Variants in L3MBTL4 observed in about 807,000 individuals in gnomAD.
The protein encoded by L3MBTL4 is L3MBTL histone methyl-lysine binding protein 4.
Under a neutral mutation model 84.5 loss-of-function variants are expected in L3MBTL4, and 70 were observed. The observed-to-expected ratio is 0.83, with a 90% CI of 0.68 to 1.01. The LOEUF is 1.01. L3MBTL4 is among the 50% of genes least tolerant of loss of function. The pLI, the probability that L3MBTL4 is intolerant of heterozygous loss-of-function variation, is 0.00. For synonymous variants in L3MBTL4, 274 were observed against 259.8 expected, an observed-to-expected ratio of 1.05 and a Z score of -0.52; for missense variants, 715 against 754.8, an observed-to-expected ratio of 0.95 and a Z score of 0.62.
chr18:6,174,415 A>C, intron 12 of L3MBTL4, among the ~76,000 whole-genome samples: 1 of 152,222 alleles, frequency 6.6e-6, no homozygotes, highest in East Asian at 1.9e-4. Flanking sequence ...ACTATAAAAG[A>C]GAAGCACATA....
chr18:6,280,274 T>C (rs2049268004), intron 4 of L3MBTL4, among the ~76,000 whole-genome samples: 1 of 152,290 alleles, frequency 6.6e-6, no homozygotes, highest in South Asian at 2.1e-4. Flanking sequence ...TAAAATGAAA[T>C]CCCTGGAAAG....
At chr18:6,347,106 G>T (rs559552496) in intron 1 of L3MBTL4, among the ~76,000 whole-genome samples, 10 of 152,194 alleles carry the variant, frequency 6.6e-5, no homozygotes, top group Admixed American at 1.3e-4. Context: ...CTCTTTATAT[G>T]TGAGATCCAA....
intron 1 of L3MBTL4, among the ~76,000 whole-genome samples, chr18:6,363,128 G>A (rs2053782580): frequency 6.6e-6 from 1 of 152,146 alleles, no homozygotes; most frequent in Non-Finnish European, 1.5e-5. Flanking sequence ...TATTCCTAGT[G>A]GGAAAAAGAA....
At chr18:6,032,357 A>T in intron 16 of L3MBTL4, 1 of 945,714 alleles carries the variant, frequency 1.1e-6, no homozygotes. Context: ...ATATCACTGA[A>T]TGGAATCTGC....
At chr18:6,241,600 A>G in intron 7 of L3MBTL4, 151 bp from the exon 8 acceptor site, 1 of 514,554 alleles carries the variant, frequency 1.9e-6, no homozygotes, top group Non-Finnish European at 3.5e-6. Context: ...TCATATGGTT[A>G]TTATTAGTGT....
At chr18:5,977,391 C>A (rs1003321925) in intron 16 of L3MBTL4, among the ~76,000 whole-genome samples, 9 of 152,216 alleles carry the variant, frequency 5.9e-5, no homozygotes, top group Non-Finnish European at 1.0e-4. Flanking sequence ...TGAGTCAGCT[C>A]CCTCCCTCCC....
chr18:6,344,581 T>C (rs2052778519), intron 1 of L3MBTL4, among the ~76,000 whole-genome samples: 1 of 152,100 alleles, frequency 6.6e-6, no homozygotes, highest in Admixed American at 6.5e-5. Context: ...ACAAGGTCAT[T>C]CCAATATACT....
At chr18:6,244,619 C>A (rs1285326500) in intron 5 of L3MBTL4, 31 bp from the exon 6 acceptor site, 1 of 1,423,044 alleles carries the variant, frequency 7.0e-7, no homozygotes, top group Non-Finnish European at 9.9e-7. Flanking sequence ...ACATTAGCCA[C>A]TGAGATTTCA....
chr18:6,194,801 C>T (rs1301175750), intron 12 of L3MBTL4, among the ~76,000 whole-genome samples: 1 of 152,216 alleles, frequency 6.6e-6, no homozygotes, highest in Non-Finnish European at 1.5e-5. Context: ...GAATTGCCAT[C>T]CAGCATTGAG....
At chr18:6,229,653 T>A (rs905880423) in intron 10 of L3MBTL4, among the ~76,000 whole-genome samples, 2 of 152,164 alleles carry the variant, frequency 1.3e-5, no homozygotes, top group African/African-American at 4.8e-5. Flanking sequence ...TCATTTTGAG[T>A]CAGTTTTTGT....
At chr18:6,112,583 C>A (rs1252527483) in intron 14 of L3MBTL4, among the ~76,000 whole-genome samples, 1 of 152,150 alleles carries the variant, frequency 6.6e-6, no homozygotes, top group Non-Finnish European at 1.5e-5. Context: ...TGGATAAGCG[C>A]AGGATGTCCC....
At chr18:6,321,372 C>A (rs941635216) in intron 1 of L3MBTL4, among the ~76,000 whole-genome samples, 1 of 152,018 alleles carries the variant, frequency 6.6e-6, no homozygotes, top group Non-Finnish European at 1.5e-5. Context: ...GGAACACAAA[C>A]AAGTCAGCAA....
chr18:6,026,737 G>C lies in L3MBTL4; in HGVS notation c.1444+54144C>G, dbSNP rs535677253. On this transcript the variant is annotated intron_variant, in intron 16 of 18. Transcript: ENST00000317931. ...TGAGAGTATGATTACAAACATAAGG[G>C]GTTGAATATTGAATATTAATTAACA... Among the ~76,000 whole-genome samples the C allele has an allele frequency of 2.5e-4, 38 of 152,114 alleles. 2 individuals are homozygous for C. The South Asian group carries it at 7.7e-3, about 31-fold the overall frequency.
At chr18:6,143,255 G>A (rs955892792) in intron 13 of L3MBTL4, among the ~76,000 whole-genome samples, 3 of 152,136 alleles carry the variant, frequency 2.0e-5, no homozygotes, top group Non-Finnish European at 2.9e-5. Flanking sequence ...CCATATCCCT[G>A]ATAGGTACCA....
chr18:6,270,032 CA>C (rs1345801856), intron 4 of L3MBTL4, among the ~76,000 whole-genome samples: 2 of 152,152 alleles, frequency 1.3e-5, no homozygotes, highest in African/African-American at 4.8e-5. Flanking sequence ...CATTTCATTT[CA>C]AAAGTTATGC....
chr18:5,977,752 G>T (rs1463369425), intron 16 of L3MBTL4, among the ~76,000 whole-genome samples: 1 of 152,174 alleles, frequency 6.6e-6, no homozygotes, highest in Non-Finnish European at 1.5e-5. Context: ...AGACCCAGAG[G>T]TTTGGGGTTC....
chr18:5,969,482 G>C lies in L3MBTL4; in HGVS notation c.1525C>G (p.Leu509Val), dbSNP rs765233692. ...STVSAHPFRD[L>V]PLGREQHCKL... is the part of the protein sequence containing the mutation. ...CAGTGTTGCTCCCTGCCGAGGGGAA[G>C]GTCCCGAAAAGGGTGGGCTGACACC... The change falls in exon 17 of 19, where the codon CTT becomes GTT. Residue 509 changes from leucine to valine, a missense_variant. Physicochemically the swap from Leu to Val is conservative, Grantham distance 32. Transcript: ENST00000317931. The C allele has an allele frequency of 2.5e-6, 4 of 1,613,980 alleles. No homozygotes were observed. In the East Asian group the frequency reaches 8.9e-5, roughly 36 times the overall value.
chr18:5,956,136 G>T lies in L3MBTL4; in HGVS notation c.*84C>A. The T allele has an allele frequency of 9.0e-7, 1 of 1,115,612 alleles. No homozygotes were observed. The allele number at this position is 1,115,612 out of a possible 1,614,324, so 69.1% of individuals were successfully genotyped here. Reference sequence around the variant, plus strand: ...GATTCAGTGTGGATACGGCCATGGGGACATTCACATCAAATTAATGTGCTC... The same window carrying T: ...GATTCAGTGTGGATACGGCCATGGGTACATTCACATCAAATTAATGTGCTC... On this transcript the variant is annotated 3_prime_UTR_variant, in exon 19 of 19. Coordinates refer to ENST00000317931, the MANE Select transcript of L3MBTL4 (RefSeq NM_001330559.2).
intron 10 of L3MBTL4, among the ~76,000 whole-genome samples, chr18:6,233,368 G>C (rs534664582): frequency 1.3e-5 from 2 of 149,706 alleles, no homozygotes; most frequent in Admixed American, 1.3e-4. Context: ...TAGGAAAAGA[G>C]GAAGGCAAAT....
Sources: allele counts gnomAD v4.1 joint callset (sites outside exome capture counted in the v4.1 genomes callset), GRCh38; gene constraint gnomAD v4.1.1; transcripts MANE v1.5; gene names NCBI Gene and HGNC (gene_info 2026-07-23, HGNC 2026-07-21).